Variants in ZNF565 observed in about 807,000 individuals in gnomAD.
ZNF565 encodes the protein zinc finger protein 565.
ZNF565 carries 27 observed loss-of-function variants against 39.4 expected under a neutral mutation model. That is an observed-to-expected ratio of 0.69 (90% CI 0.51 to 0.95). ZNF565 has a LOEUF of 0.95. Ranked by LOEUF, ZNF565 falls within the 40% of genes least tolerant of loss-of-function variation. The probability of loss-of-function intolerance (pLI) is 0.00; values close to 1 mark genes in which losing one functional copy is unlikely to be tolerated. For synonymous variants in ZNF565, 185 were observed against 216.6 expected, an observed-to-expected ratio of 0.85 and a Z score of 1.28; for missense variants, 524 against 621.1, an observed-to-expected ratio of 0.84 and a Z score of 1.66.
intron 1 of ZNF565, among the ~76,000 whole-genome samples, chr19:36,209,296 C>T (rs1480640604): frequency 2.0e-5 from 3 of 152,034 alleles, no homozygotes; most frequent in Middle Eastern, 3.4e-3. Context: ...TTTGGGAGGC[C>T]GAGGCGGTTG....
chr19:36,245,709 C>T lies in ZNF565; in HGVS notation c.-179G>A, dbSNP rs1314869918. 10 of 604,076 alleles carry T rather than the reference C, an allele frequency of 1.7e-5. No homozygotes were observed. Among genetic ancestry groups the T allele is most frequent in the Non-Finnish European group, 3.0e-5 (10 of 337,138 alleles). The allele number at this position is 604,076 out of a possible 1,614,324, so 37.4% of individuals were successfully genotyped here. ...TCTTAAGGACCCTCCGTTGACGATG[C>T]CTCGAGCTATGACCCACCCTGGCTC... is the stretch of plus-strand genomic sequence containing the variant. On this transcript the variant is annotated 5_prime_UTR_variant, in exon 1 of 5. Transcript: ENST00000355114. The surrounding 1 kb of genome is among the most constrained non-coding windows in gnomAD (Gnocchi z 4.4).
chr19:36,184,145 G>C (rs937135636), intron 4 of ZNF565, among the ~76,000 whole-genome samples: 2 of 132,912 alleles, frequency 1.5e-5, no homozygotes, highest in Non-Finnish European at 3.2e-5. Context: ...ACCATAAAAA[G>C]TGAATGCCTT....
intron 4 of ZNF565, among the ~76,000 whole-genome samples, chr19:36,190,619 C>T (rs1975498839): frequency 6.6e-6 from 1 of 151,176 alleles, no homozygotes; most frequent in Non-Finnish European, 1.5e-5. Flanking sequence ...ATCAGTTGAC[C>T]ACCACAAGAT....
chr19:36,190,595 A>T (rs1277990094), intron 4 of ZNF565, among the ~76,000 whole-genome samples: 2 of 151,984 alleles, frequency 1.3e-5, no homozygotes, highest in Non-Finnish European at 2.9e-5. Flanking sequence ...AAAATTAAAA[A>T]AAAAAAAAGG....
Position 36,220,360 on chromosome 19 carries a change from TAATTTAATTTTATTTTA to T in ZNF565, c.56-18327_56-18311del, listed in dbSNP as rs1568429099. ...TTTCTTAGCTCCTAGTTCTTTTTTT[TAATTTAATTTTATTTTA>T]TTTTTGAGACGGAGTCTTGCTCTGT... On this transcript the variant is annotated intron_variant, in intron 1 of 4. Transcript: ENST00000355114. Among the ~76,000 whole-genome samples the T allele has an allele frequency of 4.2e-4, 62 of 146,900 alleles. 2 individuals are homozygous for T. Among genetic ancestry groups the T allele is most frequent in the Admixed American group, 1.2e-3 (17 of 14,028 alleles).
rs1025862155 is a variant in ZNF565, at chr19:36,203,773, C to T, written c.-65-1723G>A. On this transcript the variant is annotated intron_variant, in intron 1 of 4. Coordinates refer to ENST00000304116, the MANE Select transcript of ZNF565 (RefSeq NM_152477.5). ...TGTATTTTTAGTAGAGACGCGGTTT[C>T]ACCATGTTGGCCAGGCTGGTCTTGA... 4.0e-5 allele frequency among the ~76,000 whole-genome samples: 6 copies of T among 151,504 alleles called. No homozygotes were observed. In the East Asian group the frequency reaches 9.8e-4, roughly 25 times the overall value.
intron 1 of ZNF565, among the ~76,000 whole-genome samples, chr19:36,211,938 GATAAGA>G (rs1006145000): frequency 3.9e-4 from 59 of 152,240 alleles, no homozygotes; most frequent in African/African-American, 1.4e-3. Flanking sequence ...ATGAAAGGAG[GATAAGA>G]AACGGGATAT....
At chr19:36,195,961 G>C in intron 2 of ZNF565, among the ~76,000 whole-genome samples, 1 of 145,954 alleles carries the variant, frequency 6.9e-6, no homozygotes, top group Admixed American at 7.0e-5. Flanking sequence ...TTTTGAGACA[G>C]AGTCTCGCTC....
chr19:36,183,365 C>G lies in ZNF565; in HGVS notation c.601G>C (p.Gly201Arg). ...TGTGAGGCACGGCTGAAGGCCTTCC[C>G]ACATTCCTTACATCCAAAGGGTTTT... ...GEKPFGCKECGKAFSRASHLV... is the reference protein window; with the variant it reads ...GEKPFGCKECRKAFSRASHLV... The change falls in exon 5 of 5, where the codon GGG (glycine) becomes CGG (arginine). Residue 201 changes from glycine (G) to arginine (R), a missense_variant. Coordinates refer to ENST00000304116, the MANE Select transcript of ZNF565 (RefSeq NM_152477.5). The G allele has an allele frequency of 6.2e-7, 1 of 1,614,142 alleles. No individual in the cohort carries two copies. The highest frequency in any genetic ancestry group is 8.5e-7 in the Non-Finnish European group (1 of 1,179,958).
At chr19:36,186,912 C>T (rs1402522552) in intron 4 of ZNF565, among the ~76,000 whole-genome samples, 6 of 151,236 alleles carry the variant, frequency 4.0e-5, no homozygotes, top group South Asian at 2.1e-4. Flanking sequence ...AAGGTGTGGC[C>T]GGGTGCGGTG....
At chr19:36,215,739 C>G (rs1976575316), upstream of ZNF565, among the ~76,000 whole-genome samples, 1 of 151,952 alleles carries the variant, frequency 6.6e-6, no homozygotes, top group Admixed American at 6.6e-5. Context: ...AAATCCCCAT[C>G]TTTGGGGTAC....
chr19:36,228,744 A>G (rs1392574275), intron 1 of ZNF565: 2 of 152,222 alleles, frequency 1.3e-5, no homozygotes, highest in Admixed American at 6.5e-5. Context: ...CATTTTCCCA[A>G]TAGTTAATAT....
chr19:36,192,006 C>CT (rs796289244), intron 4 of ZNF565, among the ~76,000 whole-genome samples: 2,212 of 140,506 alleles, frequency 0.016, 44 homozygotes, highest in African/African-American at 0.042. Context: ...CAGCACCTAT[C>CT]TTTTTTTTTT....
chr19:36,220,597 C>T (rs1049283784), intron 1 of ZNF565, among the ~76,000 whole-genome samples: 1 of 152,124 alleles, frequency 6.6e-6, no homozygotes, highest in African/African-American at 2.4e-5. Flanking sequence ...ATCTCCTAAC[C>T]TCAGGTGATC....
intron 1 of ZNF565, among the ~76,000 whole-genome samples, chr19:36,223,004 C>A (rs2910681): frequency 0.63 from 96,101 of 151,622 alleles, 30,669 homozygotes; most frequent in Middle Eastern, 0.71. Flanking sequence ...TTTAGAGGCA[C>A]AGTCTCACTG....
chr19:36,244,531 AC>A (rs1042803604), intron 1 of ZNF565, among the ~76,000 whole-genome samples: 9 of 151,890 alleles, frequency 5.9e-5, no homozygotes, highest in African/African-American at 2.2e-4. Context: ...ACAGAGCAAG[AC>A]CCTAAAGAAA....
chr19:36,235,329 T>C (rs1264797822), intron 1 of ZNF565, among the ~76,000 whole-genome samples: 2 of 152,338 alleles, frequency 1.3e-5, no homozygotes, highest in Admixed American at 6.5e-5. Context: ...TTATACAACT[T>C]GCTAAATTCT....
chr19:36,197,729 C>T (rs1439873212), intron 2 of ZNF565, among the ~76,000 whole-genome samples: 1 of 152,152 alleles, frequency 6.6e-6, no homozygotes, highest in Non-Finnish European at 1.5e-5. Context: ...AACCCTTGTA[C>T]ACTTTGTTGG....
upstream of ZNF565, chr19:36,214,747 G>T (rs1025468050): frequency 6.9e-4 from 105 of 152,308 alleles, no homozygotes; most frequent in Non-Finnish European, 2.9e-5. Context: ...GATCGGCCAC[G>T]GACAGAATGG....
Sources: gnomAD v4.1 joint callset for allele counts (sites outside exome capture counted in the v4.1 genomes callset) on GRCh38, gnomAD v4.1.1 for gene constraint, Gnocchi (gnomAD v3.1) non-coding constraint, MANE v1.5 for transcripts, NCBI Gene and HGNC (gene_info 2026-07-23, HGNC 2026-07-21) for gene names.